ERMP1: variants seen among roughly 807,000 people sequenced by gnomAD.
ERMP1 encodes Felix-ina.
In ERMP1, 86 loss-of-function variants were observed where a neutral mutation model predicts 92.0. The ratio of observed to expected loss-of-function variants is 0.93; its 90% CI spans 0.79 to 1.12. The LOEUF (loss-of-function observed/expected upper bound fraction) is 1.12. ERMP1 is among the 50% of genes most tolerant of loss of function. The probability of loss-of-function intolerance (pLI) is 0.00; values close to 1 mark genes in which losing one functional copy is unlikely to be tolerated. For synonymous variants in ERMP1, 530 were observed against 412.8 expected (o/e 1.28, Z -3.44); for missense variants, 1,342 against 1,116.3 (o/e 1.20, Z -2.88).
rs777903736 is a variant in ERMP1, at chr9:5,785,078, A to G, written c.*2066T>C. 6.6e-6 allele frequency: 1 copy of G among 152,226 alleles called. No homozygotes were observed. The highest frequency in any genetic ancestry group is 1.5e-5 in the Non-Finnish European group (1 of 68,036). 9.4% of individuals were successfully genotyped at this position (152,226 alleles called of 1,614,324 possible). On this transcript the variant is annotated 3_prime_UTR_variant, in exon 15 of 15. Coordinates refer to ENST00000339450, the MANE Select transcript of ERMP1 (RefSeq NM_024896.3). ...TTCTGGCATTTAAATGACCTCCCAGAATATTACACAAGCCCTGAGACTAGT... is the reference window on the plus strand; with the variant it reads ...TTCTGGCATTTAAATGACCTCCCAGGATATTACACAAGCCCTGAGACTAGT...
chr9:5,789,983 A>T (rs1328020887), intron 13 of ERMP1, among the ~76,000 whole-genome samples: 1 of 152,020 alleles, frequency 6.6e-6, no homozygotes, highest in African/African-American at 2.4e-5. Context: ...TGGCCAAAAG[A>T]ACTTATTATA....
rs1827961853 is a variant in ERMP1, at chr9:5,786,889, T to A, written c.*255A>T. On this transcript the variant is annotated 3_prime_UTR_variant, in exon 15 of 15. Coordinates refer to ENST00000339450, the MANE Select transcript of ERMP1 (RefSeq NM_024896.3). ...GTCCTTAAGGTCATATAAAATGACG[T>A]GTGTGTAGTGGCAGTACCCACATGT... is the stretch of plus-strand genomic sequence containing the variant. The A allele has an allele frequency of 3.2e-6, 1 of 311,364 alleles. No homozygotes were observed. The highest frequency in any genetic ancestry group is 5.8e-5 in the South Asian group (1 of 17,228). 19.3% of individuals were successfully genotyped at this position (311,364 alleles called of 1,614,324 possible).
At chr9:5,823,133 T>G (rs1563767742) in intron 4 of ERMP1, among the ~76,000 whole-genome samples, 1 of 151,908 alleles carries the variant, frequency 6.6e-6, no homozygotes, top group Non-Finnish European at 1.5e-5. Context: ...AAAAAATTTT[T>G]AAATAGCCAG....
intron 13 of ERMP1, among the ~76,000 whole-genome samples, chr9:5,797,142 G>T (rs1161913325): frequency 2.6e-5 from 4 of 151,758 alleles, no homozygotes; most frequent in African/African-American, 9.7e-5. Flanking sequence ...GATTCTCCCA[G>T]CTCAGCCTCT....
chr9:5,865,698 C>A (rs563616969), intron 5 of ERMP1, among the ~76,000 whole-genome samples: 23 of 149,982 alleles, frequency 1.5e-4, no homozygotes, highest in African/African-American at 5.4e-4. Flanking sequence ...ATTAGCTGGG[C>A]GTGGTGGTGC....
chr9:5,799,063 AC>A, intron 11 of ERMP1, 55 bp from the exon 12 acceptor site: 1 of 1,238,282 alleles, frequency 8.1e-7, no homozygotes, highest in Non-Finnish European at 1.2e-6. Context: ...CCACATTCCC[AC>A]CCCAGATTAC....
chr9:5,848,270 G>A (rs754992461), intron 6 of ERMP1, among the ~76,000 whole-genome samples: 10 of 152,156 alleles, frequency 6.6e-5, no homozygotes, highest in African/African-American at 1.9e-4. Flanking sequence ...GAAGGAAAGC[G>A]GGAAGTAGGA....
At chr9:5,812,770 A>G (rs1483784584) in intron 5 of ERMP1, 119 bp downstream of exon 5, 2 of 1,131,362 alleles carry the variant, frequency 1.8e-6, no homozygotes, top group Admixed American at 1.8e-5. Flanking sequence ...GTCAATGTAT[A>G]TTTCTCACAT....
At chr9:5,794,611 A>G (rs981344901) in intron 13 of ERMP1, among the ~76,000 whole-genome samples, 5 of 152,178 alleles carry the variant, frequency 3.3e-5, no homozygotes, top group Admixed American at 6.5e-5. Flanking sequence ...AAGGAATATT[A>G]TAGACAAATT....
At chr9:5,799,110 G>A in intron 11 of ERMP1, 102 bp from the exon 12 acceptor site, 1 of 753,334 alleles carries the variant, frequency 1.3e-6, no homozygotes, top group Non-Finnish European at 2.2e-6. Flanking sequence ...AAATGATGTG[G>A]ATATGGAGCA....
At chr9:5,842,065 T>G (rs1306360564) in intron 6 of ERMP1, among the ~76,000 whole-genome samples, 1 of 152,004 alleles carries the variant, frequency 6.6e-6, no homozygotes, top group African/African-American at 2.4e-5. Context: ...ATAAAGGTAG[T>G]GCGGACCCAA....
intron 9 of ERMP1, 98 bp downstream of exon 9, chr9:5,805,513 G>C: frequency 9.4e-7 from 1 of 1,063,812 alleles, no homozygotes; most frequent in Non-Finnish European, 1.3e-6. Context: ...TAACAATTTA[G>C]AAAGCCTACC....
intron 6 of ERMP1, among the ~76,000 whole-genome samples, chr9:5,844,225 C>T (rs995547047): frequency 6.6e-6 from 1 of 152,176 alleles, no homozygotes; most frequent in African/African-American, 2.4e-5. Flanking sequence ...ATGTAAGTGG[C>T]CAAGTAGCCA....
rs1431016189 is a variant in ERMP1 at position 5,786,390 on chromosome 9, T to C, written c.*754A>G. On this transcript the variant is annotated 3_prime_UTR_variant, in exon 15 of 15. Transcript: ENST00000339450. ...AGAACCTACGAAAACCAGAGGGGTA[T>C]GTGGCCAAATATTCCCCTTTTCAAC... 6.6e-6 allele frequency: 1 copy of C among 152,218 alleles called. No homozygotes were observed. The highest frequency in any genetic ancestry group is 1.5e-5 in the Non-Finnish European group (1 of 68,062). The allele number at this position is 152,218 out of a possible 1,614,324, so 9.4% of individuals were successfully genotyped here.
intron 10 of ERMP1, among the ~76,000 whole-genome samples, chr9:5,804,311 T>C (rs1426995500): frequency 6.6e-6 from 1 of 152,058 alleles, no homozygotes; most frequent in East Asian, 1.9e-4. Context: ...AAGCAAAACC[T>C]TGCTTGGGGC....
Position 5,810,225 on chromosome 9 carries a change from T to G in ERMP1, c.1334A>C (p.Asn445Thr). The change falls in exon 8 of 15, where the codon AAC becomes ACC. Residue 445 changes from asparagine to threonine, a missense_variant. Coordinates refer to ENST00000339450, the MANE Select transcript of ERMP1 (RefSeq NM_024896.3). Reference sequence around the variant, plus strand: ...TCCACACAAGAAGTCCTTCTTGTAGTTACCAGCTAATGAAGAGAAAACAAA... The same window carrying G: ...TCCACACAAGAAGTCCTTCTTGTAGGTACCAGCTAATGAAGAGAAAACAAA... The part of the protein sequence containing the change: ...KFLQPKHKTG[N>T]YKKDFLCGLG... The G allele has an allele frequency of 6.2e-7, 1 of 1,611,626 alleles. No individual in the cohort carries two copies. The highest frequency in any genetic ancestry group is 8.5e-7 in the Non-Finnish European group (1 of 1,178,124).
At chr9:5,830,599 T>C (rs985968972) in intron 2 of ERMP1, 128 bp downstream of exon 2, 3 of 648,292 alleles carry the variant, frequency 4.6e-6, no homozygotes, top group African/African-American at 1.8e-5. Context: ...ATTATCCTGC[T>C]TTCCATCACA....
intron 8 of ERMP1, among the ~76,000 whole-genome samples, chr9:5,808,598 T>C (rs186345710): frequency 6.6e-6 from 1 of 152,356 alleles, no homozygotes; most frequent in African/African-American, 2.4e-5. Flanking sequence ...CATTCTAATC[T>C]TTATCAGGAT....
chr9:5,788,106 G>C (rs1201915134), intron 13 of ERMP1, among the ~76,000 whole-genome samples: 1 of 152,198 alleles, frequency 6.6e-6, no homozygotes, highest in African/African-American at 2.4e-5. Flanking sequence ...GGAAACTGAT[G>C]ACAGTGGAAG....
Sources: allele counts gnomAD v4.1 joint callset (sites outside exome capture counted in the v4.1 genomes callset), GRCh38; gene constraint gnomAD v4.1.1; transcripts MANE v1.5; gene names NCBI Gene and HGNC (gene_info 2026-07-23, HGNC 2026-07-21).